Variants in KLHL10 observed in about 807,000 individuals in gnomAD.
The protein encoded by KLHL10 is kelch-like protein 10.
A neutral mutation model predicts 46.6 loss-of-function variants in KLHL10; 11 were observed. The observed-to-expected ratio is 0.24, with a 90% CI of 0.15 to 0.39. KLHL10 has a LOEUF of 0.39. KLHL10 is among the 10% of genes least tolerant of loss of function. The pLI, the probability that KLHL10 is intolerant of heterozygous loss-of-function variation, is 1.00. For synonymous variants in KLHL10, 254 were observed against 279.1 expected (o/e 0.91, Z 0.90); for missense variants, 475 against 789.8 (o/e 0.60, Z 4.78).
chr17:41,845,853 A>G (rs1275212876), intron 3 of KLHL10, 110 bp downstream of exon 3: 2 of 1,348,424 alleles, frequency 1.5e-6, no homozygotes, highest in African/African-American at 2.9e-5. Context: ...TTCACTTTGG[A>G]GTACTCATTC....
At chr17:41,835,835 G>C (rs781823166), upstream of KLHL10, 2 of 1,588,356 alleles carry the variant, frequency 1.3e-6, no homozygotes, top group Non-Finnish European at 1.7e-6. Flanking sequence ...CAGCCCGGCC[G>C]GCCCCCGCAC....
At position 41,845,718 on chromosome 17, in the gene KLHL10, C is replaced by G; in HGVS notation, c.1277C>G (p.Ala426Gly). 6.2e-7 allele frequency: 1 copy of G among 1,613,424 alleles called. No individual in the cohort carries two copies. The highest frequency in any genetic ancestry group is 8.5e-7 in the Non-Finnish European group (1 of 1,179,674). The change falls in exon 3 of 5, where the codon GCA becomes GGA. Residue 426 changes from alanine (A) to glycine (G), a missense_variant. Coordinates refer to ENST00000293303, the MANE Select transcript of KLHL10 (RefSeq NM_152467.5). Reference protein sequence around the residue: ...IAPMHEQRSDASATTLYGKVY... With the variant: ...IAPMHEQRSDGSATTLYGKVY... ...CCCATGCACGAACAGAGGAGTGATG[C>G]AAGCGCCACAACACTTTATGGGAAG...
chr17:41,843,027 G>A (rs9902424), intron 2 of KLHL10, among the ~76,000 whole-genome samples: 114,805 of 151,326 alleles, frequency 0.76, 43,813 homozygotes, highest in Admixed American at 0.85. Flanking sequence ...GTGGAAGGCT[G>A]AAATGGGAGG....
chr17:41,844,403 G>C (rs1487347398), intron 2 of KLHL10, among the ~76,000 whole-genome samples: 2 of 151,798 alleles, frequency 1.3e-5, no homozygotes, highest in South Asian at 4.2e-4. Flanking sequence ...GCTAATTTTT[G>C]TATTTTTAGT....
chr17:41,840,643 C>CA (rs34129401), intron 1 of KLHL10, among the ~76,000 whole-genome samples: 121,965 of 137,520 alleles, frequency 0.89, 53,935 homozygotes, highest in East Asian at 0.99. Context: ...GACTCCATCT[C>CA]AAAAAAAAAA....
At position 41,848,119 on chromosome 17, in the gene KLHL10, T is replaced by C; in HGVS notation, c.1639T>C (p.Tyr547His). 6.2e-7 allele frequency: 1 copy of C among 1,614,150 alleles called. No individual in the cohort carries two copies. The highest frequency in any genetic ancestry group is 8.5e-7 in the Non-Finnish European group (1 of 1,180,030). Reference sequence around the variant, plus strand: ...TACCACCACCTTTAATGTTGAGTGCTATGATGAAAAGACCGATGAGTGGTA... The same window carrying C: ...TACCACCACCTTTAATGTTGAGTGCCATGATGAAAAGACCGATGAGTGGTA... ...GFTTTFNVEC[Y>H]DEKTDEWYDA... is the part of the protein sequence containing the mutation. The change falls in exon 5 of 5, where the codon TAT becomes CAT. Residue 547 changes from tyrosine to histidine, a missense_variant. Tyr to His is a moderately conservative substitution (Grantham distance 83). Coordinates refer to ENST00000293303, the MANE Select transcript of KLHL10 (RefSeq NM_152467.5).
chr17:41,836,224 GACA>G (rs1451767317), upstream of KLHL10: 61 of 1,225,752 alleles, frequency 5.0e-5, no homozygotes, highest in African/African-American at 1.1e-4. Flanking sequence ...CGGCTCGCGG[GACA>G]ACGACAGCCC....
At chr17:41,840,855 C>G (rs1446092774) in intron 1 of KLHL10, among the ~76,000 whole-genome samples, 2 of 152,044 alleles carry the variant, frequency 1.3e-5, no homozygotes, top group African/African-American at 4.8e-5. Context: ...GTGGCTCACC[C>G]GTGTAATCCC....
intron 1 of KLHL10, among the ~76,000 whole-genome samples, chr17:41,839,557 C>G (rs1221780051): frequency 6.6e-6 from 1 of 152,172 alleles, no homozygotes; most frequent in Non-Finnish European, 1.5e-5. Flanking sequence ...GGAGTTTGGG[C>G]TAAAACCATT....
chr17:41,835,813 TC>T (rs782007436), upstream of KLHL10: 35 of 1,542,642 alleles, frequency 2.3e-5, no homozygotes, highest in Non-Finnish European at 6.2e-6. Flanking sequence ...AGGAAGCCTC[TC>T]CAGCCGCCCC....
At position 41,847,928 on chromosome 17, in the gene KLHL10, C is replaced by T; in HGVS notation, c.1453-5C>T. The T allele has an allele frequency of 6.2e-7, 1 of 1,613,876 alleles. No individual in the cohort carries two copies. On this transcript the variant is annotated splice_polypyrimidine_tract_variant and splice_region_variant and intron_variant, in intron 4 of 4. Transcript: ENST00000293303. ...AGTCAACCGTGTTTCTTTTGCTATC[C>T]ACAGGTAGGTGGCTTTGATGGAGCT... is the stretch of plus-strand genomic sequence containing the variant.
chr17:41,840,560 C>T (rs2048216477), intron 1 of KLHL10, among the ~76,000 whole-genome samples: 1 of 148,378 alleles, frequency 6.7e-6, no homozygotes. Flanking sequence ...CAGAGAATTG[C>T]TTGAACCTGG....
chr17:41,846,193 C>G (rs782791080), intron 3 of KLHL10, among the ~76,000 whole-genome samples: 9 of 150,694 alleles, frequency 6.0e-5, no homozygotes, highest in South Asian at 4.2e-4. Context: ...GCCCGGGCGA[C>G]AGTGCAAGAC....
intron 1 of KLHL10, among the ~76,000 whole-genome samples, chr17:41,840,852 A>ATG (rs1555620642): frequency 6.6e-6 from 1 of 152,102 alleles, no homozygotes; most frequent in Non-Finnish European, 1.5e-5. Context: ...ATGGTGGCTC[A>ATG]CCCGTGTAAT....
chr17:41,842,344 G>A, intron 2 of KLHL10, 32 bp downstream of exon 2: 5 of 1,612,854 alleles, frequency 3.1e-6, no homozygotes, highest in Admixed American at 1.7e-5. Flanking sequence ...ATTTATCACA[G>A]AGAGATTGTC....
In KLHL10 at chr17:41,842,075, C is replaced by T. The variant is rs369099688; in HGVS notation, c.447C>T (p.Asp149=). The change falls in exon 2 of 5, where the codon GAC becomes GAT. Residue 149 remains aspartate (D), a synonymous_variant. Transcript: ENST00000293303. Reference sequence around the variant, plus strand: ...GTATCGGCATCTGTAAGTTCACGGACTACTACTACTGTCCTGAGCTGAGGC... The same window carrying T: ...GTATCGGCATCTGTAAGTTCACGGATTACTACTACTGTCCTGAGCTGAGGC... ...DNCIGICKFT[D]YYYCPELRQK... 1 of 1,614,152 alleles carries T rather than the reference C, an allele frequency of 6.2e-7. No individual in the cohort carries two copies. The highest frequency in any genetic ancestry group is 1.7e-5 in the Admixed American group (1 of 60,008).
At chr17:41,837,610 C>A (rs1597930633), upstream of KLHL10, 1 of 1,110,928 alleles carries the variant, frequency 9.0e-7, no homozygotes, top group Non-Finnish European at 1.1e-6. Flanking sequence ...GAGCTGGAAT[C>A]AATAAACACT....
chr17:41,836,467 A>C (rs1320182837), upstream of KLHL10: 2 of 984,424 alleles, frequency 2.0e-6, no homozygotes, highest in Non-Finnish European at 2.4e-6. Flanking sequence ...GGGTTCTGCC[A>C]CTCTTTGTGG....
rs782567970 is a variant in KLHL10, at chr17:41,838,140, G to A, written c.194+14G>A. 1.9e-6 allele frequency: 3 copies of A among 1,604,366 alleles called. No homozygotes were observed. Among genetic ancestry groups the A allele is most frequent in the African/African-American group, 2.7e-5 (2 of 74,680 alleles). ...TTCCTACTTTAGGTATAACAGGGTT[G>A]CCAAATTCAGCCAAAGGGGTAATTG... On this transcript the variant is annotated intron_variant, in intron 1 of 4. Coordinates refer to ENST00000293303, the MANE Select transcript of KLHL10 (RefSeq NM_152467.5).
Sources: allele counts gnomAD v4.1 joint callset (sites outside exome capture counted in the v4.1 genomes callset), GRCh38; gene constraint gnomAD v4.1.1; transcripts MANE v1.5; gene names NCBI Gene and HGNC (gene_info 2026-07-23, HGNC 2026-07-21).